Variants in NUP50 observed in about 807,000 individuals in gnomAD.
NUP50 encodes the protein nucleoporin 50, also known as nuclear pore complex protein Nup50.
NUP50 carries 14 observed loss-of-function variants against 36.8 expected under a neutral mutation model. The observed-to-expected ratio is 0.38, with a 90% CI of 0.25 to 0.59. NUP50 has a LOEUF of 0.59. Ranked by LOEUF, NUP50 falls within the 20% of genes least tolerant of loss-of-function variation. The pLI is 0.63. For missense variants in NUP50, 455 were observed against 564.6 expected (o/e 0.81, Z 1.97); for synonymous variants, 195 against 210.8 (o/e 0.93, Z 0.65).
chr22:45,182,750 G>A (rs1224567833), intron 6 of NUP50, among the ~76,000 whole-genome samples: 11 of 145,312 alleles, frequency 7.6e-5, no homozygotes, highest in East Asian at 6.5e-4. Flanking sequence ...TCAGCCTCCC[G>A]AGTAGCTGGG....
chr22:45,170,670 G>A (rs2147671965), intron 2 of NUP50, among the ~76,000 whole-genome samples: 1 of 152,194 alleles, frequency 6.6e-6, no homozygotes, highest in East Asian at 1.9e-4. Flanking sequence ...AAAATCTTTG[G>A]TTATGGGGGT....
At position 45,186,382 on chromosome 22, in the gene NUP50, G is replaced by T. The variant is rs562881380; in HGVS notation, c.*1727G>T. On this transcript the variant is annotated 3_prime_UTR_variant, in exon 8 of 8. Transcript: ENST00000347635. ...GCAAGCGGTTGATGCTGTTAATACC[G>T]GCCCCACCCGATTGACATTAAGTTT... 5 of 152,116 alleles carry T rather than the reference G, an allele frequency of 3.3e-5. No homozygotes were observed. The highest frequency in any genetic ancestry group is 7.4e-5 in the Non-Finnish European group (5 of 68,020). The allele number at this position is 152,116 out of a possible 1,614,324, so 9.4% of individuals were successfully genotyped here. A position where few individuals can be genotyped will look rare whatever the true frequency, so the allele number is the denominator to read the frequency against.
Position 45,187,703 on chromosome 22 carries a change from A to T in NUP50, c.*3048A>T, listed in dbSNP as rs1196112221. On this transcript the variant is annotated 3_prime_UTR_variant, in exon 8 of 8. Coordinates refer to ENST00000347635, the MANE Select transcript of NUP50 (RefSeq NM_007172.4). Reference sequence around the variant, plus strand: ...ACTGATTTGTCCCGTAGTATGGCAGATGACAGGGAGGTCTTTTCCAAGCAG... The same window carrying T: ...ACTGATTTGTCCCGTAGTATGGCAGTTGACAGGGAGGTCTTTTCCAAGCAG... 6.6e-6 allele frequency: 1 copy of T among 152,278 alleles called. No individual in the cohort carries two copies. Among genetic ancestry groups the T allele is most frequent in the African/African-American group, 2.4e-5 (1 of 41,448 alleles). 9.4% of individuals were successfully genotyped at this position (152,278 alleles called of 1,614,324 possible).
intron 1 of NUP50, among the ~76,000 whole-genome samples, chr22:45,167,374 A>G (rs2074110808): frequency 6.6e-6 from 1 of 152,240 alleles, no homozygotes; most frequent in Non-Finnish European, 1.5e-5. Flanking sequence ...TATTAAGATC[A>G]GAAAACAAAT....
At position 45,178,824 on chromosome 22, in the gene NUP50, G is replaced by A; in HGVS notation, c.927G>A (p.Gln309=). Residue 309 remains glutamine, a synonymous_variant, in exon 5 of 8, where the codon CAG becomes CAA. Transcript: ENST00000347635. The part of the protein sequence containing the change: ...NSSLFGKDTT[Q]SKPVSSPFPT... ...GTTTATTTGGCAAAGATACTACCCAGAGTAAACCAGTCTCTTCACCATTTC... is the reference window on the plus strand; with the variant it reads ...GTTTATTTGGCAAAGATACTACCCAAAGTAAACCAGTCTCTTCACCATTTC... The A allele has an allele frequency of 1.9e-6, 3 of 1,614,008 alleles. No individual in the cohort carries two copies. The highest frequency in any genetic ancestry group is 2.5e-6 in the Non-Finnish European group (3 of 1,179,980).
rs1245148891 is a variant in NUP50, at chr22:45,186,909, T to C, written c.*2254T>C. The C allele has an allele frequency of 6.6e-6, 1 of 152,378 alleles. No individual in the cohort carries two copies. The highest frequency in any genetic ancestry group is 1.5e-5 in the Non-Finnish European group (1 of 68,052). The allele number at this position is 152,378 out of a possible 1,614,324, so 9.4% of individuals were successfully genotyped here. On this transcript the variant is annotated 3_prime_UTR_variant, in exon 8 of 8. Transcript: ENST00000347635. The stretch of plus-strand genomic sequence containing the variant: ...TAAAATTTAACTCCTTGTCTTTTAC[T>C]TGGGGCACGGGGCCCCTGGAGGGCT...
At chr22:45,175,599 A>C (rs1025949798) in intron 3 of NUP50, among the ~76,000 whole-genome samples, 3 of 152,216 alleles carry the variant, frequency 2.0e-5, no homozygotes, top group Non-Finnish European at 2.9e-5. Context: ...TGGTGGGTAC[A>C]TAGGTTTATT....
intron 3 of NUP50, among the ~76,000 whole-genome samples, chr22:45,174,486 A>G (rs1397061791): frequency 6.6e-6 from 1 of 152,102 alleles, no homozygotes; most frequent in East Asian, 1.9e-4. Context: ...CCCTTGATGA[A>G]TATCTTAATC....
In NUP50 at chr22:45,186,499, C is replaced by T. The variant is rs529882079; in HGVS notation, c.*1844C>T. 2.2e-4 allele frequency: 33 copies of T among 152,484 alleles called. No individual in the cohort carries two copies. Among genetic ancestry groups the T allele is most frequent in the African/African-American group, 6.0e-4 (25 of 41,562 alleles). The allele number at this position is 152,484 out of a possible 1,614,324, so 9.4% of individuals were successfully genotyped here. On this transcript the variant is annotated 3_prime_UTR_variant, in exon 8 of 8. Transcript: ENST00000347635. ...ATGCTTCCCTGGTACCAGCTGGAATCAGCAGCTCACAGGCATCTTCAGGAC... is the reference window on the plus strand; with the variant it reads ...ATGCTTCCCTGGTACCAGCTGGAATTAGCAGCTCACAGGCATCTTCAGGAC...
At position 45,178,415 on chromosome 22, in the gene NUP50, A is replaced by G. The variant is rs969310288; in HGVS notation, c.518A>G (p.Lys173Arg). The G allele has an allele frequency of 6.2e-7, 1 of 1,613,652 alleles. No homozygotes were observed. Among genetic ancestry groups the G allele is most frequent in the Non-Finnish European group, 8.5e-7 (1 of 1,179,690 alleles). ...LNCSVRDWIV[K>R]HVNTNPLCDL... The stretch of plus-strand genomic sequence containing the variant: ...TGCTCCGTGCGGGATTGGATAGTGA[A>G]GCACGTGAATACAAACCCCCTCTGT... Residue 173 changes from lysine to arginine, a missense_variant, in exon 5 of 8, where the codon AAG (lysine) becomes AGG (arginine). This residue lies in a region of NUP50 where 2 missense variants were observed against 16.3 expected (regional missense o/e 0.12). Transcript: ENST00000347635.
In NUP50 at chr22:45,184,605, G is replaced by A. The variant is rs779939112; in HGVS notation, c.1357G>A (p.Glu453Lys). 19 of 1,613,204 alleles carry A rather than the reference G, an allele frequency of 1.2e-5. No individual in the cohort carries two copies. The highest frequency in any genetic ancestry group is 3.3e-4 in the Middle Eastern group (2 of 6,046). The change falls in exon 8 of 8, where the codon GAG becomes AAG. Residue 453 changes from glutamate (E) to lysine (K), a missense_variant. Coordinates refer to ENST00000347635, the MANE Select transcript of NUP50 (RefSeq NM_007172.4). ...CATGTTGATTCGGGTAAAAACCAGC[G>A]AGGATGCAGACGAGTTGCACAAAAT... is the stretch of plus-strand genomic sequence containing the variant. ...VTMLIRVKTS[E>K]DADELHKILL...
Position 45,176,028 on chromosome 22 carries a change from T to C in NUP50, c.288T>C (p.Ser96=), listed in dbSNP as rs1243809589. The C allele has an allele frequency of 6.2e-7, 1 of 1,614,022 alleles. No individual in the cohort carries two copies. The highest frequency in any genetic ancestry group is 1.3e-5 in the African/African-American group (1 of 74,918). ...EGLSNGNNIT[S]APPFASAKAA... ...TGTCGAATGGAAACAACATAACCAGTGCCCCTCCCTTCGCCAGTGCAAAGG... is the reference window on the plus strand; with the variant it reads ...TGTCGAATGGAAACAACATAACCAGCGCCCCTCCCTTCGCCAGTGCAAAGG... Residue 96 remains serine (S), a synonymous_variant, in exon 4 of 8, where the codon AGT becomes AGC. Transcript: ENST00000347635.
intron 6 of NUP50, among the ~76,000 whole-genome samples, chr22:45,182,978 G>A (rs2074402436): frequency 6.6e-6 from 1 of 151,470 alleles, no homozygotes; most frequent in Non-Finnish European, 1.5e-5. Context: ...GGGAGAGGTG[G>A]GCGAGATAGG....
Position 45,178,238 on chromosome 22 carries a change from G to A in NUP50, c.341G>A (p.Gly114Asp), listed in dbSNP as rs148003438. ...TGGTTCAATTATTAACTTTCTATAG[G>A]TTCTCTTGCTGCAAATGGCCCTACC... is the stretch of plus-strand genomic sequence containing the variant. Reference protein sequence around the residue: ...KAAADPKVAFGSLAANGPTTL... With the variant: ...KAAADPKVAFDSLAANGPTTL... Residue 114 changes from glycine to aspartate, a missense_variant and splice_region_variant, in exon 5 of 8, where the codon GGT (glycine) becomes GAT (aspartate). Physicochemically the swap from Gly to Asp is moderately conservative, Grantham distance 94 (BLOSUM62 -1). Around this residue, in one of 3 missense-constraint regions of NUP50, gnomAD observed 166 missense variants for 202.8 expected, o/e 0.82. Coordinates refer to ENST00000347635, the MANE Select transcript of NUP50 (RefSeq NM_007172.4). 1.1e-4 allele frequency: 180 copies of A among 1,611,118 alleles called. No homozygotes were observed. The African/African-American group carries it at 1.9e-3, about 17-fold the overall frequency.
chr22:45,171,221 C>CAA, intron 2 of NUP50: 1 of 1,105,726 alleles, frequency 9.0e-7, no homozygotes, highest in Admixed American at 4.2e-5. Context: ...TTTTTTGAGA[C>CAA]AGTCTTGCTC....
intron 5 of NUP50, chr22:45,180,197 TCCTTGTC>T (rs1215125761): frequency 6.6e-6 from 1 of 152,218 alleles, no homozygotes; most frequent in African/African-American, 2.4e-5. Context: ...GAGCGCCTGT[TCCTTGTC>T]CCTTGGTTAT....
chr22:45,187,813 A>C lies in NUP50; in HGVS notation c.*3158A>C, dbSNP rs1458864614. On this transcript the variant is annotated 3_prime_UTR_variant, in exon 8 of 8. Transcript: ENST00000347635. ...GGACTCTCCGTTTGATGCAGACACA[A>C]TTGTAATGGAGATGTAAAACTTCTT... 3 of 152,668 alleles carry C rather than the reference A, an allele frequency of 2.0e-5. No individual in the cohort carries two copies. Among genetic ancestry groups the C allele is most frequent in the African/African-American group, 7.2e-5 (3 of 41,472 alleles). The allele number at this position is 152,668 out of a possible 1,614,324, so 9.5% of individuals were successfully genotyped here. A position where few individuals can be genotyped will look rare whatever the true frequency, so the allele number is the denominator to read the frequency against.
chr22:45,165,536 C>G (rs2074082331), intron 1 of NUP50, among the ~76,000 whole-genome samples: 1 of 152,206 alleles, frequency 6.6e-6, no homozygotes, highest in Non-Finnish European at 1.5e-5. Context: ...CATAAGACTC[C>G]AGGTGCCAGG....
At position 45,168,969 on chromosome 22, in the gene NUP50, T is replaced by C. The variant is rs898776065; in HGVS notation, c.69+723T>C. Among the ~76,000 whole-genome samples, 3 of 139,018 alleles carry C rather than the reference T, an allele frequency of 2.2e-5. No homozygotes were observed. In the Admixed American group the frequency reaches 2.4e-4, roughly 11 times the overall value. 91.2% of individuals were successfully genotyped at this position (139,018 alleles called of 152,430 possible). A position where few individuals can be genotyped will look rare whatever the true frequency, so the allele number is the denominator to read the frequency against. On this transcript the variant is annotated intron_variant, in intron 2 of 7. Transcript: ENST00000347635. The stretch of plus-strand genomic sequence containing the variant: ...CAGGCTGGAGTGCGGTGGCACAACC[T>C]CGGCTCACTGCAACTTTTATCTCCC...
Sources: allele counts gnomAD v4.1 joint callset (sites outside exome capture counted in the v4.1 genomes callset), GRCh38; gene constraint gnomAD v4.1.1; regional missense constraint gnomAD v4.1.1; transcripts MANE v1.5; gene names NCBI Gene and HGNC (gene_info 2026-07-23, HGNC 2026-07-21).